The following TAF4B variants were observed in gnomAD, a reference collection of about 807,000 sequenced individuals.
The protein encoded by TAF4B is transcription initiation factor TFIID subunit 4B.
Under a neutral mutation model 86.4 loss-of-function variants are expected in TAF4B, and 38 were observed. The observed-to-expected ratio is 0.44, with a 90% confidence interval of 0.34 to 0.58. The LOEUF is 0.58. Ranked by LOEUF, TAF4B falls within the 20% of genes least tolerant of loss-of-function variation. TAF4B has a pLI of 0.02. For missense variants in TAF4B, 988 were observed against 1,027.6 expected (o/e 0.96, Z 0.53); for synonymous variants, 388 against 391.2 (o/e 0.99, Z 0.10).
intron 12 of TAF4B, 37 bp downstream of exon 12, chr18:26,327,177 G>T: frequency 6.3e-7 from 1 of 1,598,822 alleles, no homozygotes. Context: ...AATGTGGCCT[G>T]GCAGTGTGGT....
intron 1 of TAF4B, among the ~76,000 whole-genome samples, chr18:26,233,760 A>G (rs894842518): frequency 5.9e-5 from 9 of 152,172 alleles, no homozygotes; most frequent in African/African-American, 2.2e-4. Context: ...CAATTTATAA[A>G]GGTATGAACA....
chr18:26,283,217 G>T (rs1345507883), intron 6 of TAF4B, among the ~76,000 whole-genome samples: 4 of 152,124 alleles, frequency 2.6e-5, no homozygotes, highest in African/African-American at 4.8e-5. Context: ...GGATTCATCA[G>T]AGGAATCACT....
intron 10 of TAF4B, among the ~76,000 whole-genome samples, chr18:26,317,210 T>C (rs1045641069): frequency 6.6e-6 from 1 of 152,004 alleles, no homozygotes; most frequent in East Asian, 1.9e-4. Context: ...TTTGTATTTT[T>C]AGTAGAGATG....
At chr18:26,260,056 G>A (rs1348857931) in intron 1 of TAF4B, among the ~76,000 whole-genome samples, 4 of 152,070 alleles carry the variant, frequency 2.6e-5, no homozygotes, top group Non-Finnish European at 5.9e-5. Flanking sequence ...ATTTTTTCAT[G>A]TGTCTTTTGG....
intron 5 of TAF4B, among the ~76,000 whole-genome samples, chr18:26,276,452 A>G (rs1286162619): frequency 6.6e-6 from 1 of 152,230 alleles, no homozygotes; most frequent in East Asian, 1.9e-4. Context: ...TCACCACGTA[A>G]TTAGAATTAT....
intron 9 of TAF4B, chr18:26,304,797 A>C (rs1184363762): frequency 1.0e-6 from 1 of 985,260 alleles, no homozygotes; most frequent in African/African-American, 1.7e-5. Flanking sequence ...AATGGAATGA[A>C]AATGTCTTAT....
chr18:26,253,617 T>C (rs188191479), intron 1 of TAF4B, among the ~76,000 whole-genome samples: 29 of 152,354 alleles, frequency 1.9e-4, no homozygotes, highest in Admixed American at 7.2e-4. Flanking sequence ...CCTGCTTTTT[T>C]ATTTTTTGGA....
At chr18:26,349,734 C>A (rs534711451) in intron 13 of TAF4B, among the ~76,000 whole-genome samples, 27 of 152,206 alleles carry the variant, frequency 1.8e-4, no homozygotes, top group African/African-American at 5.1e-4. Context: ...TGCAAAAGAC[C>A]TCAAATAGCC....
chr18:26,317,026 A>AT (rs34772122), intron 10 of TAF4B, among the ~76,000 whole-genome samples: 13,864 of 117,120 alleles, frequency 0.12, 844 homozygotes, highest in African/African-American at 0.15. Context: ...CTCCCTTCCG[A>AT]TTTTTTTTTT....
chr18:26,305,471 G>A (rs570147068), intron 9 of TAF4B, among the ~76,000 whole-genome samples: 7 of 152,216 alleles, frequency 4.6e-5, no homozygotes, highest in African/African-American at 1.7e-4. Context: ...GCAGTGGTGC[G>A]ATCTCAGCTC....
intron 3 of TAF4B, among the ~76,000 whole-genome samples, chr18:26,272,388 C>G (rs375452891): frequency 1.3e-5 from 2 of 152,136 alleles, no homozygotes; most frequent in South Asian, 2.1e-4. Flanking sequence ...GGCCACAGAC[C>G]TATACCCGCC....
At chr18:26,363,511 C>G (rs2057346902) in intron 14 of TAF4B, among the ~76,000 whole-genome samples, 1 of 151,786 alleles carries the variant, frequency 6.6e-6, no homozygotes, top group African/African-American at 2.4e-5. Flanking sequence ...GGCCACTGCA[C>G]TCCAGCCTGG....
chr18:26,287,311 A>G (rs2056536268), intron 7 of TAF4B, among the ~76,000 whole-genome samples: 1 of 152,166 alleles, frequency 6.6e-6, no homozygotes, highest in South Asian at 2.1e-4. Flanking sequence ...GGCTCATTTA[A>G]TCTAGAATAC....
rs150605353 is a variant in TAF4B at position 26,333,189 on chromosome 18, T to A, written c.2260-1986T>A. 2.7e-3 allele frequency among the ~76,000 whole-genome samples: 411 copies of A among 151,102 alleles called. 2 individuals carry two copies. The highest frequency in any genetic ancestry group is 4.9e-3 in the Non-Finnish European group (335 of 67,742). On this transcript the variant is annotated intron_variant, in intron 12 of 14. Transcript: ENST00000269142. ...TTATTTTTGTTTTTAATTTAATTTT[T>A]AAATTATATATATTTTATTTTTAAA...
chr18:26,295,140 G>A (rs975821550), intron 9 of TAF4B: 16 of 264,784 alleles, frequency 6.0e-5, no homozygotes, highest in Non-Finnish European at 1.2e-4. Flanking sequence ...TATAATATTT[G>A]TATAAAATTT....
intron 14 of TAF4B, among the ~76,000 whole-genome samples, chr18:26,378,608 T>A (rs1030953778): frequency 6.6e-6 from 1 of 152,180 alleles, no homozygotes; most frequent in Non-Finnish European, 1.5e-5. Context: ...GAGGTATAAT[T>A]TATATACAAT....
At chr18:26,244,506 C>T (rs1270790079) in intron 1 of TAF4B, among the ~76,000 whole-genome samples, 3 of 152,206 alleles carry the variant, frequency 2.0e-5, no homozygotes, top group Non-Finnish European at 4.4e-5. Flanking sequence ...AGGCAATTCC[C>T]TGACCCCCTT....
At chr18:26,379,201 T>G (rs1293912479) in intron 14 of TAF4B, among the ~76,000 whole-genome samples, 2 of 152,112 alleles carry the variant, frequency 1.3e-5, no homozygotes, top group African/African-American at 2.4e-5. Flanking sequence ...AGCAGAAGGT[T>G]TTAATTTTGA....
At chr18:26,283,449 C>T (rs1211856187) in intron 6 of TAF4B, among the ~76,000 whole-genome samples, 1 of 150,788 alleles carries the variant, frequency 6.6e-6, no homozygotes, top group Non-Finnish European at 1.5e-5. Flanking sequence ...TTCTTCTGAG[C>T]AGTAGTTCTC....
Sources: allele counts gnomAD v4.1 joint callset (sites outside exome capture counted in the v4.1 genomes callset), GRCh38; gene constraint gnomAD v4.1.1; transcripts MANE v1.5; gene names NCBI Gene and HGNC (gene_info 2026-07-23, HGNC 2026-07-21).